The following GJB2 variants were observed in gnomAD, a reference collection of about 807,000 sequenced individuals.
GJB2 encodes gap junction beta-2 protein.
GJB2 carries 30 observed loss-of-function variants against 16.0 expected under a neutral mutation model. The ratio of observed to expected loss-of-function variants is 1.88; its 90% confidence interval spans 1.41 to 2.55. The LOEUF (loss-of-function observed/expected upper bound fraction) is 2.55. Among genes scored for constraint, GJB2 ranks in the 30% most tolerant of loss-of-function variants. The pLI, the probability that GJB2 is intolerant of heterozygous loss-of-function variation, is 0.00. For missense variants in GJB2, 284 were observed against 289.7 expected, an observed-to-expected ratio of 0.98 and a Z score of 0.14; for synonymous variants, 123 against 119.1, an observed-to-expected ratio of 1.03 and a Z score of -0.21.
In GJB2 at chr13:20,188,583, C is replaced by T. The variant is rs1959052545; in HGVS notation, c.*318G>A. 3.3e-6 allele frequency: 1 copy of T among 299,882 alleles called. No homozygotes were observed. Among genetic ancestry groups the T allele is most frequent in the Non-Finnish European group, 6.2e-6 (1 of 160,716 alleles). 18.6% of individuals were successfully genotyped at this position (299,882 alleles called of 1,614,324 possible). A position where few individuals can be genotyped will look rare whatever the true frequency, so the allele number is the denominator to read the frequency against. ...TTGTCCTCAGAGAAAGAAACAAATG[C>T]CGATATCCTCTGTTTAAAATATGAA... On this transcript the variant is annotated 3_prime_UTR_variant, in exon 2 of 2. Coordinates refer to ENST00000382848, the MANE Select transcript of GJB2 (RefSeq NM_004004.6).
intron 1 of GJB2, among the ~76,000 whole-genome samples, chr13:20,192,553 C>T (rs547507975): frequency 1.3e-5 from 2 of 151,992 alleles, no homozygotes; most frequent in South Asian, 4.2e-4. Context: ...CCCACTCGCA[C>T]CCCGGGCGGT....
Position 20,189,461 on chromosome 13 carries a change from T to C in GJB2, c.121A>G (p.Lys41Glu). 1 of 1,613,510 alleles carries C rather than the reference T, an allele frequency of 6.2e-7. No individual in the cohort carries two copies. The highest frequency in any genetic ancestry group is 8.5e-7 in the Non-Finnish European group (1 of 1,179,474). Residue 41 changes from lysine to glutamate, a missense_variant, in exon 2 of 2, where the codon AAG becomes GAG. By Grantham distance (56) the Lys-to-Glu change is moderately conservative (BLOSUM62 1). Transcript: ENST00000382848. ...FRIMILVVAA[K>E]EVWGDEQADF... Reference sequence around the variant, plus strand: ...GCCTGCTCATCTCCCCACACCTCCTTTGCAGCCACAACGAGGATCATAATG... The same window carrying C: ...GCCTGCTCATCTCCCCACACCTCCTCTGCAGCCACAACGAGGATCATAATG...
At chr13:20,189,683 A>G (rs72561724) in intron 1 of GJB2, 80 bp from the exon 2 acceptor site, 1,209 of 1,086,688 alleles carry the variant, frequency 1.1e-3, no homozygotes, top group Non-Finnish European at 1.6e-3. Context: ...TGGGTAAGCA[A>G]GCATGCTTAA....
intron 1 of GJB2, among the ~76,000 whole-genome samples, chr13:20,190,119 G>A (rs549337583): frequency 1.3e-5 from 2 of 152,376 alleles, no homozygotes; most frequent in African/African-American, 2.4e-5. Context: ...CAGGAGAACC[G>A]TGAGGATAAG....
At chr13:20,189,881 A>G in intron 1 of GJB2, 1 of 461,420 alleles carries the variant, frequency 2.2e-6, no homozygotes, top group East Asian at 4.4e-5. Flanking sequence ...CACATCATAA[A>G]AATTTGCTGT....
intron 1 of GJB2, among the ~76,000 whole-genome samples, chr13:20,192,508 G>T (rs937670572): frequency 6.6e-6 from 1 of 152,130 alleles, no homozygotes; most frequent in Non-Finnish European, 1.5e-5. Flanking sequence ...CTGGCGGCTC[G>T]CCCGCGCCTT....
rs1959053822 is a variant in GJB2 at position 20,188,795 on chromosome 13, A to G, written c.*106T>C. On this transcript the variant is annotated 3_prime_UTR_variant, in exon 2 of 2. Coordinates refer to ENST00000382848, the MANE Select transcript of GJB2 (RefSeq NM_004004.6). Reference sequence around the variant, plus strand: ...TTCAAATGGTTGCATTTAAGGTCAGAATCTTTGTGTTGGGAAATGCTAGCG... The same window carrying G: ...TTCAAATGGTTGCATTTAAGGTCAGGATCTTTGTGTTGGGAAATGCTAGCG... 3.3e-6 allele frequency: 3 copies of G among 906,058 alleles called. No homozygotes were observed. In the Admixed American group the frequency reaches 5.4e-5, roughly 16 times the overall value. 56.1% of individuals were successfully genotyped at this position (906,058 alleles called of 1,614,324 possible).
Position 20,189,046 on chromosome 13 carries a change from TC to T in GJB2, c.535del (p.Asp179ThrfsTer17). On this transcript the variant is annotated frameshift_variant, in exon 2 of 2. Coordinates refer to ENST00000382848, the MANE Select transcript of GJB2 (RefSeq NM_004004.6). LOFTEE classifies it high-confidence loss of function. ...CTCCGTGGGCCGGGACACAAAGCAGTCCACAGTGTTGGGACAAGGCCAGGCG... is the reference window on the plus strand; with the variant it reads ...CTCCGTGGGCCGGGACACAAAGCAGTCACAGTGTTGGGACAAGGCCAGGCG... ...CNAWPCPNTV[D>X]CFVSRPTEKT... 6.2e-7 allele frequency: 1 copy of T among 1,613,998 alleles called. No homozygotes were observed. Among genetic ancestry groups the T allele is most frequent in the Non-Finnish European group, 8.5e-7 (1 of 1,179,992 alleles).
Position 20,192,897 on chromosome 13 carries a change from C to A in GJB2, c.-137G>T. The stretch of plus-strand genomic sequence containing the variant: ...TGGGCCGGGCGCCGCCGAGGGGCTC[C>A]GAGTCGGGGAGAGGAGCGCGCGGGC... On this transcript the variant is annotated 5_prime_UTR_variant, in exon 1 of 2. Coordinates refer to ENST00000382848, the MANE Select transcript of GJB2 (RefSeq NM_004004.6). 1 of 152,904 alleles carries A rather than the reference C, an allele frequency of 6.5e-6. No individual in the cohort carries two copies. The highest frequency in any genetic ancestry group is 2.0e-4 in the South Asian group (1 of 4,976). The allele number at this position is 152,904 out of a possible 1,614,324, so 9.5% of individuals were successfully genotyped here.
At position 20,188,976 on chromosome 13, in the gene GJB2, G is replaced by A. The variant is rs1176381370; in HGVS notation, c.606C>T (p.Cys202=). Residue 202 remains cysteine, a synonymous_variant, in exon 2 of 2, where the codon TGC becomes TGT. Coordinates refer to ENST00000382848, the MANE Select transcript of GJB2 (RefSeq NM_004004.6). ...TVFMIAVSGI[C]ILLNVTELCY... ...ACAATTCAGTGACATTCAGCAGGAT[G>A]CAAATTCCAGACACTGCAATCATGA... is the stretch of plus-strand genomic sequence containing the variant. 8 of 1,613,750 alleles carry A rather than the reference G, an allele frequency of 5.0e-6. No homozygotes were observed. The highest frequency in any genetic ancestry group is 6.8e-6 in the Non-Finnish European group (8 of 1,179,880).
In GJB2 at chr13:20,188,731, A is replaced by T; in HGVS notation, c.*170T>A. ...TGAGGCTTTAGGGGAGCAGAGCTCC[A>T]TTGTGGCATCTGGAGTTTCACCTGA... is the stretch of plus-strand genomic sequence containing the variant. On this transcript the variant is annotated 3_prime_UTR_variant, in exon 2 of 2. Transcript: ENST00000382848. 1 of 636,142 alleles carries T rather than the reference A, an allele frequency of 1.6e-6. No homozygotes were observed. The allele number at this position is 636,142 out of a possible 1,614,324, so 39.4% of individuals were successfully genotyped here.
At position 20,189,311 on chromosome 13, in the gene GJB2, C is replaced by T. The variant is rs1359778307; in HGVS notation, c.271G>A (p.Val91Met). 6.2e-7 allele frequency: 1 copy of T among 1,613,910 alleles called. No individual in the cohort carries two copies. Among genetic ancestry groups the T allele is most frequent in the Non-Finnish European group, 8.5e-7 (1 of 1,180,036 alleles). ...LIFVSTPALL[V>M]AMHVAYRRHE... ...CTCCGGTAGGCCACGTGCATGGCCACTAGGAGCGCTGGCGTGGACACGAAG... is the reference window on the plus strand; with the variant it reads ...CTCCGGTAGGCCACGTGCATGGCCATTAGGAGCGCTGGCGTGGACACGAAG... The change falls in exon 2 of 2, where the codon GTG becomes ATG. Residue 91 changes from valine (V) to methionine (M), a missense_variant. Transcript: ENST00000382848.
chr13:20,191,168 G>A (rs979918373), intron 1 of GJB2, among the ~76,000 whole-genome samples: 1 of 152,164 alleles, frequency 6.6e-6, no homozygotes, highest in African/African-American at 2.4e-5. Context: ...AGCACCCACA[G>A]CTCAGGCCAG....
intron 1 of GJB2, among the ~76,000 whole-genome samples, chr13:20,191,359 G>A (rs565403962): frequency 3.9e-5 from 6 of 152,284 alleles, no homozygotes; most frequent in Admixed American, 2.0e-4. Context: ...GCAGGAGGAG[G>A]GGTTTATCCT....
intron 1 of GJB2, among the ~76,000 whole-genome samples, chr13:20,192,005 C>A (rs1224039053): frequency 6.6e-6 from 1 of 152,224 alleles, no homozygotes; most frequent in South Asian, 2.1e-4. Context: ...CGGAACCCAG[C>A]TCTCAGCAGC....
chr13:20,190,099 A>G (rs1959068099), intron 1 of GJB2, among the ~76,000 whole-genome samples: 1 of 152,234 alleles, frequency 6.6e-6, no homozygotes, highest in Admixed American at 6.5e-5. Context: ...AAAGGCTGAG[A>G]GGCCAAGTAC....
In GJB2 at chr13:20,189,443, C is replaced by A. The variant is rs104894398; in HGVS notation, c.139G>T (p.Glu47Ter). ...GTGTTGCAGACAAAGTCGGCCTGCTCATCTCCCCACACCTCCTTTGCAGCC... is the reference window on the plus strand; with the variant it reads ...GTGTTGCAGACAAAGTCGGCCTGCTAATCTCCCCACACCTCCTTTGCAGCC... ...VVAAKEVWGD[E>*]QADFVCNTLQ... The change falls in exon 2 of 2, where the codon GAG becomes TAG. Residue 47 changes from glutamate to a stop codon, truncating the protein, a stop_gained. Transcript: ENST00000382848. LOFTEE classifies it high-confidence loss of function. The A allele has an allele frequency of 1.2e-4, 193 of 1,612,306 alleles. No individual in the cohort carries two copies. The highest frequency in any genetic ancestry group is 3.7e-4 in the Admixed American group (22 of 59,978).
At position 20,188,955 on chromosome 13, in the gene GJB2, T is replaced by C. The variant is rs765660346; in HGVS notation, c.627A>G (p.Glu209=). The C allele has an allele frequency of 1.9e-6, 3 of 1,613,918 alleles. No individual in the cohort carries two copies. Among genetic ancestry groups the C allele is most frequent in the Non-Finnish European group, 2.5e-6 (3 of 1,179,998 alleles). ...AATATCTAATTAGCAAATAACACAA[T>C]TCAGTGACATTCAGCAGGATGCAAA... is the stretch of plus-strand genomic sequence containing the variant. ...SGICILLNVT[E]LCYLLIRYCS... The change falls in exon 2 of 2, where the codon GAA becomes GAG. Residue 209 remains glutamate (E), a synonymous_variant. Transcript: ENST00000382848.
In GJB2 at chr13:20,188,986, G is replaced by A. The variant is rs771748289; in HGVS notation, c.596C>T (p.Ser199Phe). ...GACATTCAGCAGGATGCAAATTCCA[G>A]ACACTGCAATCATGAACACTGTGAA... ...TVFTVFMIAV[S>F]GICILLNVTE... Residue 199 changes from serine (S) to phenylalanine (F), a missense_variant, in exon 2 of 2, where the codon TCT (serine) becomes TTT (phenylalanine). By Grantham distance (155) the Ser-to-Phe change is radical. Coordinates refer to ENST00000382848, the MANE Select transcript of GJB2 (RefSeq NM_004004.6). The A allele has an allele frequency of 6.2e-6, 10 of 1,613,868 alleles. No individual in the cohort carries two copies. The Admixed American group carries it at 1.7e-4, about 27-fold the overall frequency.
Sources: gnomAD v4.1 joint callset for allele counts (sites outside exome capture counted in the v4.1 genomes callset) on GRCh38, gnomAD v4.1.1 for gene constraint, MANE v1.5 for transcripts, NCBI Gene and HGNC (gene_info 2026-07-23, HGNC 2026-07-21) for gene names.